Variants in KDM4C observed in about 807,000 individuals in gnomAD.
KDM4C encodes the protein lysine-specific demethylase 4C.
A neutral mutation model predicts 129.3 loss-of-function variants in KDM4C; 81 were observed. The observed-to-expected ratio is 0.63, with a 90% CI of 0.52 to 0.75. The LOEUF is 0.75. KDM4C is among the 30% of genes least tolerant of loss of function. The pLI is 0.00. For synonymous variants in KDM4C, 573 were observed against 456.1 expected (o/e 1.26, Z -3.26); for missense variants, 1,457 against 1,304.0 (o/e 1.12, Z -1.81).
At chr9:6,960,616 TAAA>T (rs1829874435) in intron 8 of KDM4C, among the ~76,000 whole-genome samples, 2 of 152,198 alleles carry the variant, frequency 1.3e-5, no homozygotes, top group African/African-American at 4.8e-5. Context: ...GGAAGTTCTT[TAAA>T]GAGTGTCGTA....
intron 17 of KDM4C, among the ~76,000 whole-genome samples, chr9:7,057,782 C>G (rs16925247): frequency 0.16 from 23,957 of 152,210 alleles, 2,596 homozygotes; most frequent in South Asian, 0.39. Context: ...TAGAAGGGCT[C>G]TTCTGCAAAC....
intron 4 of KDM4C, among the ~76,000 whole-genome samples, chr9:6,842,288 ATTTAT>A (rs1290726261): frequency 1.5e-5 from 2 of 133,426 alleles, no homozygotes; most frequent in African/African-American, 5.5e-5. Context: ...TTGGCCACAG[ATTTAT>A]TTTCTTTTAT....
chr9:6,981,121 A>G lies in KDM4C; in HGVS notation c.1115+3A>G, dbSNP rs1319589627. 6.2e-7 allele frequency: 1 copy of G among 1,609,590 alleles called. No homozygotes were observed. The highest frequency in any genetic ancestry group is 8.5e-7 in the Non-Finnish European group (1 of 1,177,950). ...AAAGTAAGAAAAGCATCCCGAAGGT[A>G]ATGACCCCTCACCCCACTGACCTGC... On this transcript the variant is annotated splice_donor_region_variant and intron_variant, in intron 9 of 21. Transcript: ENST00000381309.
chr9:6,899,868 C>G (rs976676703), intron 8 of KDM4C, among the ~76,000 whole-genome samples: 1 of 152,152 alleles, frequency 6.6e-6, no homozygotes, highest in African/African-American at 2.4e-5. Flanking sequence ...TGATAAGCCT[C>G]ATGATGCTGA....
chr9:7,153,266 A>G (rs1269234450), intron 19 of KDM4C, among the ~76,000 whole-genome samples: 1 of 152,118 alleles, frequency 6.6e-6, no homozygotes, highest in African/African-American at 2.4e-5. Context: ...AAGTGTTTGC[A>G]TTCTTTGCTA....
At chr9:7,167,328 C>T (rs1485898056) in intron 20 of KDM4C, among the ~76,000 whole-genome samples, 1 of 152,014 alleles carries the variant, frequency 6.6e-6, no homozygotes, top group East Asian at 1.9e-4. Flanking sequence ...CCCTTGAGTC[C>T]CAGGCGAACT....
chr9:6,821,568 GT>G (rs1180437018), intron 4 of KDM4C, among the ~76,000 whole-genome samples: 1 of 151,800 alleles, frequency 6.6e-6, no homozygotes, highest in African/African-American at 2.4e-5. Context: ...TGATGGGGTT[GT>G]TTGTTTTTTC....
chr9:6,721,923 T>C (rs888476828), intron 1 of KDM4C, among the ~76,000 whole-genome samples: 6 of 152,172 alleles, frequency 3.9e-5, no homozygotes, highest in Admixed American at 3.9e-4. Context: ...GGTCTCACTA[T>C]GCTGCCCAGG....
Position 6,939,976 on chromosome 9 carries a change from ACCTTCCTT to A in KDM4C, c.922-40899_922-40892del, listed in dbSNP as rs1186438155. 5.1e-3 allele frequency among the ~76,000 whole-genome samples: 477 copies of A among 93,510 alleles called. 5 individuals carry two copies. Among genetic ancestry groups the A allele is most frequent in the East Asian group, 0.015 (46 of 3,158 alleles). 61.3% of individuals were successfully genotyped at this position (93,510 alleles called of 152,430 possible). A position where few individuals can be genotyped will look rare whatever the true frequency, so the allele number is the denominator to read the frequency against. ...CAATAACCAACCTACCTACCTACCT[ACCTTCCTT>A]CCTTCCTTCCTTCCTTCCTTCCTTC... is the stretch of plus-strand genomic sequence containing the variant. On this transcript the variant is annotated intron_variant, in intron 8 of 21. Coordinates refer to ENST00000381309, the MANE Select transcript of KDM4C (RefSeq NM_015061.6).
chr9:7,093,692 A>C (rs1451720479), intron 17 of KDM4C, among the ~76,000 whole-genome samples: 1 of 152,226 alleles, frequency 6.6e-6, no homozygotes, highest in African/African-American at 2.4e-5. Context: ...CAGAGGAGAC[A>C]ATTTTGTTAA....
intron 19 of KDM4C, among the ~76,000 whole-genome samples, chr9:7,151,517 A>T (rs746262838): frequency 1.3e-5 from 2 of 151,468 alleles, no homozygotes; most frequent in African/African-American, 4.8e-5. Context: ...CTCTACTTTT[A>T]AAAAAAAATT....
At chr9:6,918,900 G>A (rs959885050) in intron 8 of KDM4C, among the ~76,000 whole-genome samples, 1 of 151,814 alleles carries the variant, frequency 6.6e-6, no homozygotes, top group Admixed American at 6.6e-5. Context: ...TGCCCAGACT[G>A]GAGCGCAGTG....
chr9:6,771,712 A>G (rs1315583439), intron 1 of KDM4C, among the ~76,000 whole-genome samples: 1 of 152,192 alleles, frequency 6.6e-6, no homozygotes, highest in African/African-American at 2.4e-5. Flanking sequence ...TAGGCTGGAT[A>G]ATCTCATAAA....
At chr9:6,759,790 C>T (rs112033626) in intron 1 of KDM4C, among the ~76,000 whole-genome samples, 14,529 of 151,314 alleles carry the variant, frequency 0.096, 818 homozygotes, top group Non-Finnish European at 0.11. Flanking sequence ...TCGTCTGTAC[C>T]AAAAATTCAA....
chr9:7,167,621 A>G (rs990447365), intron 20 of KDM4C, among the ~76,000 whole-genome samples: 2 of 152,192 alleles, frequency 1.3e-5, no homozygotes, highest in Non-Finnish European at 2.9e-5. Context: ...ACCTAATTCC[A>G]CTGTATTGTT....
chr9:6,812,464 G>T (rs1160334005), intron 3 of KDM4C, among the ~76,000 whole-genome samples: 1 of 152,174 alleles, frequency 6.6e-6, no homozygotes, highest in Non-Finnish European at 1.5e-5. Context: ...TTTTTCTATG[G>T]ATGGGAGTGG....
chr9:7,169,481 A>G (rs965256016), intron 20 of KDM4C, among the ~76,000 whole-genome samples: 19 of 152,034 alleles, frequency 1.2e-4, no homozygotes, highest in Non-Finnish European at 8.8e-5. Context: ...GACTACAGGC[A>G]TGCGCCACCA....
intron 2 of KDM4C, among the ~76,000 whole-genome samples, chr9:6,804,669 A>T (rs1042338573): frequency 6.6e-6 from 1 of 151,536 alleles, no homozygotes; most frequent in Non-Finnish European, 1.5e-5. Flanking sequence ...GAGGTGGGAG[A>T]ATCGCTTGAA....
chr9:7,091,944 C>T (rs1276983201), intron 17 of KDM4C, among the ~76,000 whole-genome samples: 6 of 152,170 alleles, frequency 3.9e-5, no homozygotes, highest in South Asian at 2.1e-4. Context: ...GCGCTGTTTC[C>T]TGAAGTGTTA....
Sources: allele counts gnomAD v4.1 joint callset (sites outside exome capture counted in the v4.1 genomes callset), GRCh38; gene constraint gnomAD v4.1.1; transcripts MANE v1.5; gene names NCBI Gene and HGNC (gene_info 2026-07-23, HGNC 2026-07-21).